Variants in ART3 observed in about 807,000 individuals in gnomAD.
ART3 encodes the protein ADP-ribosyltransferase 3 (inactive), also known as ecto-ADP-ribosyltransferase 3.
In ART3, 49 loss-of-function variants were observed where a neutral mutation model predicts 48.5. The ratio of observed to expected loss-of-function variants is 1.01; its 90% confidence interval spans 0.80 to 1.28. The LOEUF is 1.28. Ranked by LOEUF, ART3 falls within the 50% of genes most tolerant of loss-of-function variation. The probability of loss-of-function intolerance (pLI) is 0.00; values close to 1 mark genes in which losing one functional copy is unlikely to be tolerated. For missense variants in ART3, 438 were observed against 454.3 expected (o/e 0.96, Z 0.33); for synonymous variants, 145 against 157.2 (o/e 0.92, Z 0.58).
intron 3 of ART3, among the ~76,000 whole-genome samples, chr4:76,087,606 A>G (rs4129291): frequency 0.013 from 2,050 of 152,354 alleles, 41 homozygotes; most frequent in African/African-American, 0.047. Context: ...TGTGCTAAAC[A>G]TAGTCCCACA....
At chr4:76,047,937 C>G (rs1735669941) in intron 1 of ART3, among the ~76,000 whole-genome samples, 3 of 151,916 alleles carry the variant, frequency 2.0e-5, no homozygotes, top group African/African-American at 7.2e-5. Flanking sequence ...CCAGGTCTGC[C>G]TTGATCTGTT....
At chr4:76,092,138 T>A (rs1240893359) in intron 3 of ART3, among the ~76,000 whole-genome samples, 2 of 152,218 alleles carry the variant, frequency 1.3e-5, no homozygotes, top group African/African-American at 4.8e-5. Context: ...CCTTGTCAAT[T>A]TCTACAATTT....
chr4:76,106,170 C>CA, intron 10 of ART3: 2 of 985,432 alleles, frequency 2.0e-6, no homozygotes, highest in Non-Finnish European at 2.4e-6. Context: ...AACCAGGACT[C>CA]AAACTTTTCA....
At chr4:76,036,621 A>G (rs1293749783) in intron 1 of ART3, 1 of 152,480 alleles carries the variant, frequency 6.6e-6, no homozygotes, top group Non-Finnish European at 1.5e-5. Context: ...TGCATTTTCA[A>G]CAATTTTTAC....
At chr4:76,108,562 A>AC (rs1351867623) in intron 11 of ART3, among the ~76,000 whole-genome samples, 1 of 151,398 alleles carries the variant, frequency 6.6e-6, no homozygotes, top group Admixed American at 6.6e-5. Flanking sequence ...ATGATTAAAA[A>AC]AAAAAACAAA....
chr4:76,038,233 A>G (rs1236752039), intron 1 of ART3, among the ~76,000 whole-genome samples: 1 of 152,220 alleles, frequency 6.6e-6, no homozygotes, highest in Admixed American at 6.5e-5. Context: ...ACAGTCACTT[A>G]ACTTTTATTA....
chr4:76,068,568 C>T (rs1200399915), intron 1 of ART3, among the ~76,000 whole-genome samples: 5 of 151,896 alleles, frequency 3.3e-5, no homozygotes, highest in African/African-American at 7.3e-5. Context: ...TAAGTGGAAG[C>T]CAAATCATGA....
intron 2 of ART3, among the ~76,000 whole-genome samples, chr4:76,077,731 G>T (rs1381354976): frequency 6.6e-6 from 1 of 152,178 alleles, no homozygotes; most frequent in African/African-American, 2.4e-5. Flanking sequence ...TAGTGGAATT[G>T]CTGGGTTGTA....
chr4:76,077,229 G>T (rs1339298343), intron 2 of ART3, among the ~76,000 whole-genome samples: 1 of 152,104 alleles, frequency 6.6e-6, no homozygotes, highest in African/African-American at 2.4e-5. Context: ...TACTTTCTGT[G>T]TCTATGGTTT....
intron 8 of ART3, among the ~76,000 whole-genome samples, chr4:76,102,128 A>G (rs1026924476): frequency 1.3e-5 from 2 of 152,264 alleles, no homozygotes; most frequent in African/African-American, 4.8e-5. Flanking sequence ...AAGACAGAGA[A>G]GAGCCAAAGA....
chr4:76,084,264 A>C (rs545203034), intron 3 of ART3, among the ~76,000 whole-genome samples: 1 of 151,902 alleles, frequency 6.6e-6, no homozygotes, highest in African/African-American at 2.4e-5. Context: ...TGGATTTGCA[A>C]CTCTTTCTTG....
At chr4:76,050,661 C>G (rs953214590) in intron 1 of ART3, among the ~76,000 whole-genome samples, 1 of 152,234 alleles carries the variant, frequency 6.6e-6, no homozygotes, top group African/African-American at 2.4e-5. Context: ...TGCCCGCACT[C>G]CTCAGCCCTT....
chr4:76,038,787 A>G (rs1284146322), intron 1 of ART3, among the ~76,000 whole-genome samples: 1 of 151,812 alleles, frequency 6.6e-6, no homozygotes, highest in Non-Finnish European at 1.5e-5. Flanking sequence ...CAGTGGTGTG[A>G]TCTCGACTCA....
At chr4:76,087,605 C>T (rs1339590446) in intron 3 of ART3, among the ~76,000 whole-genome samples, 1 of 152,136 alleles carries the variant, frequency 6.6e-6, no homozygotes, top group African/African-American at 2.4e-5. Context: ...GTGTGCTAAA[C>T]ATAGTCCCAC....
At chr4:76,054,692 G>A (rs1386559216) in intron 1 of ART3, among the ~76,000 whole-genome samples, 1 of 152,066 alleles carries the variant, frequency 6.6e-6, no homozygotes, top group African/African-American at 2.4e-5. Flanking sequence ...AAATTAGCTG[G>A]TTGTGCTGGT....
rs1028666045 is a variant in ART3, at chr4:76,035,942, C to T, written c.-10+24622C>T. On this transcript the variant is annotated intron_variant, in intron 1 of 9. Transcript: ENST00000341029. ...TACTGCATACCTTGAACAACTGTAG[C>T]ACACAATATCACAGCCAAGGCTATA... 2.5e-6 allele frequency: 4 copies of T among 1,613,520 alleles called. No individual in the cohort carries two copies. Among genetic ancestry groups the T allele is most frequent in the Non-Finnish European group, 3.4e-6 (4 of 1,179,744 alleles).
intron 1 of ART3, among the ~76,000 whole-genome samples, chr4:76,016,452 G>A (rs1732263774): frequency 6.6e-6 from 1 of 152,144 alleles, no homozygotes; most frequent in East Asian, 1.9e-4. Flanking sequence ...AGCTGCTTGG[G>A]GTTGGGGGTG....
intron 1 of ART3, among the ~76,000 whole-genome samples, chr4:76,040,902 G>A (rs4241581): frequency 0.61 from 92,929 of 152,042 alleles, 29,479 homozygotes; most frequent in East Asian, 0.94. Flanking sequence ...AGGTGCTAAT[G>A]TGGATACTCT....
intron 3 of ART3, among the ~76,000 whole-genome samples, chr4:76,089,352 G>T (rs547235923): frequency 1.3e-3 from 192 of 150,330 alleles, no homozygotes; most frequent in African/African-American, 4.5e-3. Context: ...CCTGGAAGGA[G>T]GTGATTGGAT....
Sources: allele counts gnomAD v4.1 joint callset (sites outside exome capture counted in the v4.1 genomes callset), GRCh38; gene constraint gnomAD v4.1.1; transcripts MANE v1.5; gene names NCBI Gene and HGNC (gene_info 2026-07-23, HGNC 2026-07-21).